The following ABCA13 variants were observed in gnomAD, a reference collection of about 807,000 sequenced individuals.
The protein encoded by ABCA13 is ATP-binding cassette sub-family A member 13.
A neutral mutation model predicts 478.7 loss-of-function variants in ABCA13; 476 were observed. The observed-to-expected ratio is 0.99, with a 90% CI of 0.92 to 1.07. The LOEUF is 1.07. ABCA13 is among the 50% of genes least tolerant of loss of function. The pLI is 0.00. For synonymous variants in ABCA13, 2,252 were observed against 2,158.9 expected, an observed-to-expected ratio of 1.04 and a Z score of -1.20; for missense variants, 6,060 against 5,910.6, an observed-to-expected ratio of 1.03 and a Z score of -0.83.
At chr7:48,607,310 C>A (rs1585964491) in intron 58 of ABCA13, among the ~76,000 whole-genome samples, 1 of 152,332 alleles carries the variant, frequency 6.6e-6, no homozygotes, top group East Asian at 1.9e-4. Context: ...TCCCCTGACC[C>A]CTTGCACTTC....
intron 55 of ABCA13, among the ~76,000 whole-genome samples, chr7:48,569,088 T>A (rs1787357755): frequency 6.6e-6 from 1 of 152,076 alleles, no homozygotes; most frequent in Admixed American, 6.6e-5. Context: ...TATGATTATT[T>A]TCTTTATTAT....
chr7:48,600,281 T>G (rs1469558863), intron 58 of ABCA13, among the ~76,000 whole-genome samples: 1 of 152,288 alleles, frequency 6.6e-6, no homozygotes, highest in African/African-American at 2.4e-5. Context: ...TTTCATATTC[T>G]TTTACTTTCA....
At chr7:48,416,607 A>G (rs571965489) in intron 41 of ABCA13, among the ~76,000 whole-genome samples, 31 of 152,244 alleles carry the variant, frequency 2.0e-4, no homozygotes, top group African/African-American at 7.5e-4. Context: ...TCTGCTTGAT[A>G]GGGACTTGCA....
chr7:48,265,977 A>G (rs979462180), intron 15 of ABCA13, among the ~76,000 whole-genome samples: 11 of 151,836 alleles, frequency 7.2e-5, no homozygotes, highest in Admixed American at 2.6e-4. Flanking sequence ...AATAGATGTC[A>G]GATTTGTCAA....
intron 1 of ABCA13, among the ~76,000 whole-genome samples, chr7:48,188,917 T>C (rs1172739964): frequency 6.6e-6 from 1 of 152,128 alleles, no homozygotes; most frequent in African/African-American, 2.4e-5. Context: ...GATGGGAAGC[T>C]CCGGGGTACA....
chr7:48,391,224 T>C (rs930675296), intron 37 of ABCA13, among the ~76,000 whole-genome samples: 1 of 152,200 alleles, frequency 6.6e-6, no homozygotes, highest in Non-Finnish European at 1.5e-5. Flanking sequence ...GTTTTGCTTA[T>C]ATTTAATGAT....
chr7:48,591,987 A>C (rs1181423374), intron 57 of ABCA13, among the ~76,000 whole-genome samples: 1 of 151,892 alleles, frequency 6.6e-6, no homozygotes, highest in Non-Finnish European at 1.5e-5. Flanking sequence ...GACTTCTAGT[A>C]TTATGTTGAA....
At position 48,279,139 on chromosome 7, in the gene ABCA13, T is replaced by C; in HGVS notation, c.7945T>C (p.Leu2649=). 1.2e-6 allele frequency: 2 copies of C among 1,607,654 alleles called. No homozygotes were observed. The highest frequency in any genetic ancestry group is 1.7e-6 in the Non-Finnish European group (2 of 1,177,328). Residue 2649 remains leucine (L), a synonymous_variant, in exon 18 of 62, where the codon TTG becomes CTG. Transcript: ENST00000435803. ...ATTTTTAACATCTGTGAAAATGAAC[T>C]TGGAAGATATGAGGAGTCTTGCGGT... ...AEFLTSVKMN[L]EDMRSLAVAF... is the part of the protein sequence containing the mutation.
rs117649711 is a variant in ABCA13, at chr7:48,298,387, T to C, written c.9221T>C (p.Met3074Thr). The C allele has an allele frequency of 1.4e-5, 22 of 1,610,430 alleles. No homozygotes were observed. The highest frequency in any genetic ancestry group is 3.3e-4 in the Middle Eastern group (2 of 6,076). Residue 3074 changes from methionine (M) to threonine (T), a missense_variant, in exon 23 of 62, where the codon ATG (methionine) becomes ACG (threonine). Physicochemically the swap from Met to Thr is moderately conservative, Grantham distance 81. Around this residue, in one of 3 missense-constraint regions of ABCA13, gnomAD observed 4,423 missense variants for 4,309.1 expected, o/e 1.03. Coordinates refer to ENST00000435803, the MANE Select transcript of ABCA13 (RefSeq NM_152701.5). The part of the protein sequence containing the change: ...VTEDVKIKDL[M>T]KNITKLTEEL... ...GCAGATGTAAAAATAAAAGATTTGA[T>C]GAAGAATATCACCAAGTTGACTGAG...
In ABCA13 at chr7:48,274,872, C is replaced by A; in HGVS notation, c.5206C>A (p.Pro1736Thr). The change falls in exon 17 of 62, where the codon CCT (proline) becomes ACT (threonine). Residue 1736 changes from proline (P) to threonine (T), a missense_variant. Around this residue, in one of 3 missense-constraint regions of ABCA13, gnomAD observed 4,423 missense variants for 4,309.1 expected, o/e 1.03. Coordinates refer to ENST00000435803, the MANE Select transcript of ABCA13 (RefSeq NM_152701.5). ...TCTGCTGCAGCTCTCACGCCTGTTT[C>A]CTAAAGATGTTGTGGATGCTGTGAT... ...NHLLQLSRLFPKDVVDAVIDV... is the reference protein window; with the variant it reads ...NHLLQLSRLFTKDVVDAVIDV... The A allele has an allele frequency of 2.5e-6, 4 of 1,613,868 alleles. No individual in the cohort carries two copies. The highest frequency in any genetic ancestry group is 2.5e-6 in the Non-Finnish European group (3 of 1,179,848).
At chr7:48,299,409 A>G (rs1369749402) in intron 23 of ABCA13, among the ~76,000 whole-genome samples, 1 of 152,234 alleles carries the variant, frequency 6.6e-6, no homozygotes. Flanking sequence ...CAGTGTCACC[A>G]AGTTACTTAT....
intron 48 of ABCA13, among the ~76,000 whole-genome samples, chr7:48,492,306 C>T (rs927961642): frequency 2.0e-5 from 3 of 152,184 alleles, no homozygotes; most frequent in Non-Finnish European, 4.4e-5. Flanking sequence ...CCTGCATCAC[C>T]TTAAGCATTT....
chr7:48,324,271 A>G (rs1410630175), intron 27 of ABCA13, among the ~76,000 whole-genome samples: 2 of 152,192 alleles, frequency 1.3e-5, no homozygotes. Context: ...GTGTCCTCAC[A>G]TAGTTGTCCC....
Position 48,317,363 on chromosome 7 carries a change from A to G in ABCA13, c.9999+67A>G, listed in dbSNP as rs1257027228. 6 of 1,507,228 alleles carry G rather than the reference A, an allele frequency of 4.0e-6. No homozygotes were observed. The African/African-American group carries it at 8.4e-5, about 21-fold the overall frequency. The allele number at this position is 1,507,228 out of a possible 1,614,324, so 93.4% of individuals were successfully genotyped here. A position where few individuals can be genotyped will look rare whatever the true frequency, so the allele number is the denominator to read the frequency against. On this transcript the variant is annotated intron_variant, in intron 27 of 61. Transcript: ENST00000435803. The stretch of plus-strand genomic sequence containing the variant: ...CTAAATCAGGAAGGAATCTTTAAAA[A>G]TGTCTGACATAATTATTATGCGCCT...
chr7:48,437,190 A>C (rs1822961192), intron 42 of ABCA13, among the ~76,000 whole-genome samples: 1 of 151,934 alleles, frequency 6.6e-6, no homozygotes. Flanking sequence ...ATATGTTATG[A>C]GCTCTCATGA....
intron 42 of ABCA13, among the ~76,000 whole-genome samples, chr7:48,435,557 T>C (rs562298913): frequency 6.6e-6 from 1 of 151,958 alleles, no homozygotes; most frequent in East Asian, 1.9e-4. Context: ...CTATCTTGAA[T>C]AGAAGTGGTG....
Position 48,252,498 on chromosome 7 carries a change from A to G in ABCA13, c.2005+3147A>G, listed in dbSNP as rs147258395. 5.2e-3 allele frequency among the ~76,000 whole-genome samples: 796 copies of G among 152,300 alleles called. 8 individuals carry two copies. The highest frequency in any genetic ancestry group is 0.018 in the African/African-American group (758 of 41,572). ...GTTAGCCTATTGTTCCTAGGCCACA[A>G]ACATATACAGGTTATTCTACTGAAT... On this transcript the variant is annotated intron_variant, in intron 15 of 61. Coordinates refer to ENST00000435803, the MANE Select transcript of ABCA13 (RefSeq NM_152701.5).
rs1221671189 is a variant in ABCA13 at position 48,539,233 on chromosome 7, A to G, written c.14354+10888A>G. ...TGTCTCTACCAAAAATACAAAAATT[A>G]GCCAATCTCATAACCTTGTGTAAAA... On this transcript the variant is annotated intron_variant, in intron 55 of 61. Transcript: ENST00000435803. 4.0e-5 allele frequency among the ~76,000 whole-genome samples: 6 copies of G among 151,814 alleles called. No individual in the cohort carries two copies. The South Asian group carries it at 6.2e-4, about 16-fold the overall frequency.
At chr7:48,463,655 AC>A (rs1826519818) in intron 43 of ABCA13, among the ~76,000 whole-genome samples, 1 of 152,142 alleles carries the variant, frequency 6.6e-6, no homozygotes, top group Non-Finnish European at 1.5e-5. Context: ...CCAAGACCTC[AC>A]CTGGAACCAG....
Sources: allele counts gnomAD v4.1 joint callset (sites outside exome capture counted in the v4.1 genomes callset), GRCh38; gene constraint gnomAD v4.1.1; regional missense constraint gnomAD v4.1.1; transcripts MANE v1.5; gene names NCBI Gene and HGNC (gene_info 2026-07-23, HGNC 2026-07-21).